The following SCHIP1 variants were observed in gnomAD, a reference collection of about 807,000 sequenced individuals.
SCHIP1 encodes schwannomin interacting protein 1.
In SCHIP1, 8 loss-of-function variants were observed where a neutral mutation model predicts 29.7. The observed-to-expected ratio is 0.27, with a 90% CI of 0.16 to 0.49. SCHIP1 has a LOEUF of 0.49. Ranked by LOEUF, SCHIP1 falls within the 20% of genes least tolerant of loss-of-function variation. SCHIP1 has a pLI of 0.99. For missense variants in SCHIP1, 193 were observed against 294.6 expected (o/e 0.66, Z 2.52); for synonymous variants, 76 against 94.9 (o/e 0.80, Z 1.16).
At chr3:159,327,975 GA>G in the SCHIP1 span, among the ~76,000 whole-genome samples, 3 of 152,184 alleles carry the variant, frequency 2.0e-5, no homozygotes, top group Non-Finnish European at 4.4e-5. Context: ...GACTTGGTTA[GA>G]AGGAAACCCT....
the SCHIP1 span, among the ~76,000 whole-genome samples, chr3:159,461,494 T>C: frequency 2.4e-4 from 36 of 152,270 alleles, no homozygotes; most frequent in Middle Eastern, 0.01. Context: ...CATATTCATA[T>C]AGATTACATA....
the SCHIP1 span, among the ~76,000 whole-genome samples, chr3:159,483,281 T>C: frequency 6.6e-6 from 1 of 152,130 alleles, no homozygotes; most frequent in African/African-American, 2.4e-5. Context: ...AATGATTTCA[T>C]TTGCTTTACT....
At chr3:159,704,320 A>G in the SCHIP1 span, among the ~76,000 whole-genome samples, 4 of 150,826 alleles carry the variant, frequency 2.7e-5, no homozygotes, top group Non-Finnish European at 5.9e-5. Flanking sequence ...CTATAGTCCC[A>G]GCTACTCGGG....
At chr3:159,298,349 A>G in the SCHIP1 span, among the ~76,000 whole-genome samples, 3 of 152,212 alleles carry the variant, frequency 2.0e-5, no homozygotes, top group Admixed American at 6.5e-5. Context: ...TTTATCACAA[A>G]TCAACCATAT....
chr3:159,377,742 C>A, the SCHIP1 span, among the ~76,000 whole-genome samples: 3 of 152,216 alleles, frequency 2.0e-5, no homozygotes, highest in Non-Finnish European at 2.9e-5. Flanking sequence ...GGTATTTAAA[C>A]ACTTTTTTAA....
chr3:159,466,365 T>A, the SCHIP1 span, among the ~76,000 whole-genome samples: 302 of 152,212 alleles, frequency 2.0e-3, 2 homozygotes, highest in African/African-American at 6.9e-3. Context: ...TTAATGAGTA[T>A]GAATTCTAGC....
the SCHIP1 span, among the ~76,000 whole-genome samples, chr3:159,511,190 G>A: frequency 6.6e-6 from 1 of 152,184 alleles, no homozygotes; most frequent in African/African-American, 2.4e-5. Flanking sequence ...GCCCAGCCTC[G>A]CTGCCGCCTT....
the SCHIP1 span, among the ~76,000 whole-genome samples, chr3:159,712,846 A>AAGAG: frequency 4.7e-5 from 7 of 147,898 alleles, no homozygotes; most frequent in South Asian, 4.3e-4. Flanking sequence ...GAAAGAAAGA[A>AAGAG]AGAGAGAGAG....
the SCHIP1 span, among the ~76,000 whole-genome samples, chr3:159,349,367 A>AG: frequency 6.6e-6 from 1 of 152,248 alleles, no homozygotes; most frequent in Non-Finnish European, 1.5e-5. Flanking sequence ...AAAGTATCTT[A>AG]GAGTTCCACA....
chr3:159,567,138 G>A, the SCHIP1 span, among the ~76,000 whole-genome samples: 1 of 151,920 alleles, frequency 6.6e-6, no homozygotes, highest in Non-Finnish European at 1.5e-5. Flanking sequence ...TCTGCTTATT[G>A]GCCATTCCAG....
chr3:159,808,526 G>A, the SCHIP1 span: 3 of 152,234 alleles, frequency 2.0e-5, no homozygotes, highest in Non-Finnish European at 4.4e-5. Context: ...AAGCTGGTAA[G>A]AGCAGGTGCT....
the SCHIP1 span, among the ~76,000 whole-genome samples, chr3:159,400,568 T>G: frequency 6.4e-4 from 98 of 152,352 alleles, no homozygotes; most frequent in African/African-American, 2.1e-3. Flanking sequence ...TTATTGGAGC[T>G]GTTGAATTTC....
the SCHIP1 span, among the ~76,000 whole-genome samples, chr3:159,516,650 C>T: frequency 2.0e-5 from 3 of 152,098 alleles, no homozygotes; most frequent in African/African-American, 4.8e-5. Flanking sequence ...CTCCTTTGGC[C>T]CTTAACATAA....
the SCHIP1 span, among the ~76,000 whole-genome samples, chr3:159,694,231 ACTAACCCTAACC>A: frequency 4.0e-5 from 6 of 150,402 alleles, no homozygotes; most frequent in South Asian, 6.3e-4. Flanking sequence ...CATGCCTAAC[ACTAACCCTAACC>A]CTAACCCTAA....
the SCHIP1 span, among the ~76,000 whole-genome samples, chr3:159,452,404 G>T: frequency 2.0e-5 from 3 of 152,044 alleles, no homozygotes; most frequent in Non-Finnish European, 4.4e-5. Flanking sequence ...TGCAGTGTTT[G>T]GTTTTCTGTT....
the SCHIP1 span, among the ~76,000 whole-genome samples, chr3:159,738,344 T>C: frequency 2.0e-5 from 3 of 152,138 alleles, no homozygotes; most frequent in African/African-American, 7.2e-5. Flanking sequence ...AAAAGAGTTA[T>C]GTTAATTATA....
chr3:159,567,403 A>G, the SCHIP1 span, among the ~76,000 whole-genome samples: 7 of 152,058 alleles, frequency 4.6e-5, no homozygotes, highest in African/African-American at 1.4e-4. Flanking sequence ...ACTTCCTTAT[A>G]TACACAAGAT....
intron 2 of SCHIP1, among the ~76,000 whole-genome samples, chr3:159,872,082 T>A (rs990578736): frequency 1.3e-5 from 2 of 152,172 alleles, no homozygotes; most frequent in Non-Finnish European, 2.9e-5. Flanking sequence ...CTGCATATTA[T>A]CTTCTAAAAT....
the SCHIP1 span, among the ~76,000 whole-genome samples, chr3:159,480,969 G>A: frequency 6.6e-6 from 1 of 152,142 alleles, no homozygotes; most frequent in Admixed American, 6.5e-5. Context: ...GTCAAAGGGG[G>A]TTGTTTCTCT....
Sources: allele counts gnomAD v4.1 joint callset (sites outside exome capture counted in the v4.1 genomes callset), GRCh38; gene constraint gnomAD v4.1.1; transcripts MANE v1.5; gene names NCBI Gene and HGNC (gene_info 2026-07-23, HGNC 2026-07-21).